The following MTREX variants were observed in gnomAD, a reference collection of about 807,000 sequenced individuals.
MTREX encodes Mtr4 exosome RNA helicase, also known as exosome RNA helicase MTR4.
In MTREX, 76 loss-of-function variants were observed where a neutral mutation model predicts 135.4. That is an observed-to-expected ratio of 0.56 (90% CI 0.47 to 0.68). The LOEUF (loss-of-function observed/expected upper bound fraction) is 0.68. MTREX is among the 30% of genes least tolerant of loss of function. The pLI is 0.00. For synonymous variants in MTREX, 404 were observed against 401.6 expected (o/e 1.01, Z -0.07); for missense variants, 920 against 1,262.1 (o/e 0.73, Z 4.11).
In MTREX at chr5:55,371,282, G is replaced by A. The variant is rs184722158; in HGVS notation, c.1810+4407G>A. On this transcript the variant is annotated intron_variant, in intron 16 of 26. Transcript: ENST00000230640. ...TTGCAAAAATGATAGTATTGCCATA[G>A]AGCAGTAAAGCAATCTGTGCTTTTA... 4.0e-3 allele frequency among the ~76,000 whole-genome samples: 610 copies of A among 152,244 alleles called. 4 individuals are homozygous for A. The highest frequency in any genetic ancestry group is 0.014 in the African/African-American group (582 of 41,544).
intron 5 of MTREX, among the ~76,000 whole-genome samples, chr5:55,333,593 G>A (rs1463948084): frequency 6.6e-6 from 1 of 152,020 alleles, no homozygotes; most frequent in Non-Finnish European, 1.5e-5. Flanking sequence ...TAAAACTTGG[G>A]CTAGGAAGTC....
At chr5:55,335,612 G>A (rs1162715771) in intron 5 of MTREX, among the ~76,000 whole-genome samples, 12 of 151,946 alleles carry the variant, frequency 7.9e-5, no homozygotes, top group African/African-American at 4.8e-5. Flanking sequence ...GTGTAGGATC[G>A]TTTCTGGACT....
intron 1 of MTREX, among the ~76,000 whole-genome samples, chr5:55,314,948 A>G (rs1749175139): frequency 1.3e-5 from 2 of 152,250 alleles, no homozygotes; most frequent in African/African-American, 4.8e-5. Flanking sequence ...GGCAGAGCTC[A>G]GGTGATAATG....
rs548134315 is a variant in MTREX at position 55,314,030 on chromosome 5, T to C, written c.134+5883T>C. Among the ~76,000 whole-genome samples the C allele has an allele frequency of 1.3e-3, 192 of 152,112 alleles. 1 individual carries two copies. The highest frequency in any genetic ancestry group is 4.3e-3 in the Admixed American group (66 of 15,280). The stretch of plus-strand genomic sequence containing the variant: ...TGCATAGTTGCAGTCCTTCAATCAA[T>C]GTTCTCTGAATGAACATGGTACTAT... On this transcript the variant is annotated intron_variant, in intron 1 of 26. Coordinates refer to ENST00000230640, the MANE Select transcript of MTREX (RefSeq NM_015360.5).
At chr5:55,329,044 A>G (rs1035027041) in intron 5 of MTREX, among the ~76,000 whole-genome samples, 1 of 152,200 alleles carries the variant, frequency 6.6e-6, no homozygotes, top group African/African-American at 2.4e-5. Flanking sequence ...ATCGTTAAGC[A>G]TGATATTACC....
At chr5:55,411,807 C>T (rs1345395665) in intron 23 of MTREX, among the ~76,000 whole-genome samples, 2 of 151,968 alleles carry the variant, frequency 1.3e-5, no homozygotes, top group Non-Finnish European at 2.9e-5. Flanking sequence ...TATCAATTTC[C>T]AAGATAAAGA....
intron 7 of MTREX, 42 bp from the exon 8 acceptor site, chr5:55,343,289 G>A: frequency 6.5e-7 from 1 of 1,529,926 alleles, no homozygotes; most frequent in Non-Finnish European, 8.9e-7. Context: ...GAGTGACACT[G>A]TAGTCCAACT....
intron 21 of MTREX, among the ~76,000 whole-genome samples, chr5:55,402,298 C>CT (rs1175938301): frequency 1.1e-4 from 17 of 152,222 alleles, no homozygotes; most frequent in African/African-American, 3.9e-4. Context: ...ACTTTCATTA[C>CT]TTACACAGAT....
At chr5:55,346,967 G>T (rs1213193616) in intron 10 of MTREX, 46 bp from the exon 11 acceptor site, 1 of 1,476,174 alleles carries the variant, frequency 6.8e-7, no homozygotes, top group Admixed American at 2.2e-5. Context: ...TTAGATCTGT[G>T]ATCTATTTTG....
chr5:55,317,530 A>G (rs1438145176), intron 1 of MTREX, among the ~76,000 whole-genome samples: 1 of 152,244 alleles, frequency 6.6e-6, no homozygotes, highest in African/African-American at 2.4e-5. Flanking sequence ...GCAGTGGGGA[A>G]AAGACTCGCT....
chr5:55,364,002 C>T (rs1750056153), intron 15 of MTREX, among the ~76,000 whole-genome samples: 1 of 152,046 alleles, frequency 6.6e-6, no homozygotes, highest in Non-Finnish European at 1.5e-5. Context: ...TCTGATAATT[C>T]TAGTTCAGGG....
intron 1 of MTREX, among the ~76,000 whole-genome samples, chr5:55,321,860 G>C (rs191220105): frequency 2.0e-5 from 3 of 151,874 alleles, no homozygotes; most frequent in African/African-American, 7.3e-5. Context: ...CATCCACCTC[G>C]GCCTCCCAAA....
At position 55,327,751 on chromosome 5, in the gene MTREX, T is replaced by C; in HGVS notation, c.375T>C (p.Leu125=). ...CTGCAGAAGAGGATTATTTACCACT[T>C]AAACCACGAGTTGGAAAAGCTGCTA... is the stretch of plus-strand genomic sequence containing the variant. The part of the protein sequence containing the change: ...ALPAEEDYLP[L]KPRVGKAAKE... Residue 125 remains leucine, a synonymous_variant, in exon 4 of 27, where the codon CTT becomes CTC. Transcript: ENST00000230640. The C allele has an allele frequency of 6.2e-7, 1 of 1,613,526 alleles. No homozygotes were observed. The highest frequency in any genetic ancestry group is 8.5e-7 in the Non-Finnish European group (1 of 1,179,624).
At chr5:55,372,346 A>G (rs1750216952) in intron 16 of MTREX, among the ~76,000 whole-genome samples, 1 of 152,170 alleles carries the variant, frequency 6.6e-6, no homozygotes, top group Non-Finnish European at 1.5e-5. Context: ...TGCCCAAGGT[A>G]GTACAAAAGA....
intron 16 of MTREX, among the ~76,000 whole-genome samples, chr5:55,377,830 C>G (rs930722087): frequency 1.3e-5 from 2 of 152,068 alleles, no homozygotes; most frequent in African/African-American, 4.8e-5. Flanking sequence ...TTCCTTTCAC[C>G]TGCTGCTTTT....
intron 1 of MTREX, among the ~76,000 whole-genome samples, chr5:55,313,929 CT>C (rs980963880): frequency 1.3e-5 from 2 of 151,612 alleles, no homozygotes; most frequent in African/African-American, 2.4e-5. Context: ...AACTGTTCAT[CT>C]TTTTTTACTT....
At position 55,414,244 on chromosome 5, in the gene MTREX, GTTTTTT is replaced by G. The variant is rs201611017; in HGVS notation, c.2808+19_2808+24del. The G allele has an allele frequency of 2.2e-6, 3 of 1,336,802 alleles. No homozygotes were observed. Among genetic ancestry groups the G allele is most frequent in the South Asian group, 1.6e-5 (1 of 63,428 alleles). The allele number at this position is 1,336,802 out of a possible 1,614,324, so 82.8% of individuals were successfully genotyped here. A position where few individuals can be genotyped will look rare whatever the true frequency, so the allele number is the denominator to read the frequency against. On this transcript the variant is annotated splice_region_variant and intron_variant, in intron 24 of 26. Coordinates refer to ENST00000230640, the MANE Select transcript of MTREX (RefSeq NM_015360.5). ...GACCACTTCGTCAAATGCAGGTAAGGTTTTTTTTTTTTTTTTTTGAACTACATATTT... is the reference window on the plus strand; with the variant it reads ...GACCACTTCGTCAAATGCAGGTAAGGTTTTTTTTTTTTGAACTACATATTT...
At chr5:55,383,265 C>A (rs899513246) in intron 18 of MTREX, among the ~76,000 whole-genome samples, 2 of 152,026 alleles carry the variant, frequency 1.3e-5, no homozygotes, top group Non-Finnish European at 2.9e-5. Flanking sequence ...TACCAGTGTT[C>A]TTTATTTTAT....
intron 14 of MTREX, among the ~76,000 whole-genome samples, chr5:55,357,918 T>A (rs1481379626): frequency 6.6e-6 from 1 of 151,998 alleles, no homozygotes; most frequent in Non-Finnish European, 1.5e-5. Context: ...ACCAAGAAAA[T>A]AGGAGAGAAT....
Sources: allele counts gnomAD v4.1 joint callset (sites outside exome capture counted in the v4.1 genomes callset), GRCh38; gene constraint gnomAD v4.1.1; transcripts MANE v1.5; gene names NCBI Gene and HGNC (gene_info 2026-07-23, HGNC 2026-07-21).